IL36B: variants seen among roughly 807,000 people sequenced by gnomAD.
IL36B encodes the protein interleukin 36 beta.
In IL36B, 23 loss-of-function variants were observed where a neutral mutation model predicts 19.3. The ratio of observed to expected loss-of-function variants is 1.19; its 90% CI spans 0.86 to 1.69. The LOEUF is 1.69. Ranked by LOEUF, IL36B falls within the 40% of genes most tolerant of loss-of-function variation. IL36B has a pLI of 0.00. For missense variants in IL36B, 217 were observed against 200.5 expected (o/e 1.08, Z -0.50); for synonymous variants, 59 against 59.7 (o/e 0.99, Z 0.05).
At chr2:113,029,909 C>A (rs1043478451) in intron 3 of IL36B, among the ~76,000 whole-genome samples, 4 of 152,096 alleles carry the variant, frequency 2.6e-5, no homozygotes, top group African/African-American at 9.7e-5. Flanking sequence ...GAGGAGCCAG[C>A]AAACCTCATG....
chr2:113,052,011 T>C (rs914278047), intron 1 of IL36B, among the ~76,000 whole-genome samples: 1 of 151,666 alleles, frequency 6.6e-6, no homozygotes, highest in African/African-American at 2.4e-5. Flanking sequence ...TGCAGTGACA[T>C]GATCTCAGGT....
At chr2:113,047,965 A>G (rs1213344793) in intron 1 of IL36B, among the ~76,000 whole-genome samples, 1 of 152,190 alleles carries the variant, frequency 6.6e-6, no homozygotes, top group African/African-American at 2.4e-5. Flanking sequence ...AACAGATGGA[A>G]CACATAGAAA....
At chr2:113,031,635 C>T in intron 2 of IL36B, 62 bp downstream of exon 2, 5 of 1,388,218 alleles carry the variant, frequency 3.6e-6, no homozygotes, top group Non-Finnish European at 5.1e-6. Context: ...TCCTTCCATC[C>T]TATTGTCTTT....
intron 4 of IL36B, 128 bp downstream of exon 4, chr2:113,028,811 G>C (rs1161177762): frequency 1.1e-6 from 1 of 921,564 alleles, no homozygotes; most frequent in Non-Finnish European, 1.6e-6. Context: ...GGATCAGCCA[G>C]GTCAGAATTA....
chr2:113,049,038 G>C (rs961237412), intron 1 of IL36B, among the ~76,000 whole-genome samples: 1 of 152,180 alleles, frequency 6.6e-6, no homozygotes, highest in Non-Finnish European at 1.5e-5. Flanking sequence ...TACTGATGAT[G>C]GCAGTTGTGT....
intron 3 of IL36B, among the ~76,000 whole-genome samples, chr2:113,030,211 G>A (rs1003920292): frequency 5.3e-5 from 8 of 151,786 alleles, no homozygotes; most frequent in African/African-American, 1.9e-4. Flanking sequence ...CAGCCTGGGT[G>A]ACAGAGTGAG....
chr2:113,044,977 C>T (rs1300822359), intron 1 of IL36B, among the ~76,000 whole-genome samples: 1 of 152,064 alleles, frequency 6.6e-6, no homozygotes, highest in African/African-American at 2.4e-5. Context: ...CCTCCTAAAC[C>T]ATATCCTATT....
In IL36B at chr2:113,022,719, A is replaced by G. The variant is rs1267284735; in HGVS notation, c.450T>C (p.Asp150=). The change falls in exon 6 of 6, where the codon GAT becomes GAC. Residue 150 remains aspartate, a synonymous_variant. Transcript: ENST00000259213. ...CTATGTTGGTCCGCATGGATGAGAA[A>G]TCTTTGTCCTTCTTCCTGAGATGGT... 2 of 1,613,336 alleles carry G rather than the reference A, an allele frequency of 1.2e-6. No homozygotes were observed. The highest frequency in any genetic ancestry group is 1.3e-5 in the African/African-American group (1 of 74,894).
At chr2:113,042,495 C>A (rs1037363483) in intron 1 of IL36B, among the ~76,000 whole-genome samples, 1 of 152,202 alleles carries the variant, frequency 6.6e-6, no homozygotes, top group Non-Finnish European at 1.5e-5. Context: ...TCCCATCCCC[C>A]GTCCTATTCA....
chr2:113,029,779 G>C (rs4849143), intron 3 of IL36B, among the ~76,000 whole-genome samples: 121,141 of 152,098 alleles, frequency 0.8, 49,224 homozygotes, highest in African/African-American at 0.94. Context: ...ATTCATCAAT[G>C]CAAAAGATCA....
At chr2:113,040,334 A>G (rs1325537531) in intron 1 of IL36B, among the ~76,000 whole-genome samples, 3 of 152,222 alleles carry the variant, frequency 2.0e-5, no homozygotes, top group African/African-American at 7.2e-5. Context: ...TTTTTTCCCT[A>G]AGATTCATAA....
chr2:113,028,124 G>A lies in IL36B; in HGVS notation c.261+815C>T. ...TCCATGATATTTTTTTCCTGGGGGTGGAAAAGAGGCTTGTTAGAGAGGAGG... is the reference window on the plus strand; with the variant it reads ...TCCATGATATTTTTTTCCTGGGGGTAGAAAAGAGGCTTGTTAGAGAGGAGG... On this transcript the variant is annotated intron_variant, in intron 4 of 5. Transcript: ENST00000259213. The A allele has an allele frequency of 6.2e-7, 1 of 1,612,178 alleles. No individual in the cohort carries two copies. The highest frequency in any genetic ancestry group is 8.5e-7 in the Non-Finnish European group (1 of 1,178,490).
chr2:113,035,873 G>T (rs1056345573), intron 1 of IL36B, among the ~76,000 whole-genome samples: 1 of 152,138 alleles, frequency 6.6e-6, no homozygotes, highest in African/African-American at 2.4e-5. Context: ...GAAGGGAAGT[G>T]GTTGCCTCAG....
At chr2:113,025,330 G>A (rs555102964) in intron 5 of IL36B, among the ~76,000 whole-genome samples, 28 of 152,296 alleles carry the variant, frequency 1.8e-4, no homozygotes, top group South Asian at 6.2e-4. Context: ...TCTTGAAGTT[G>A]AGGACTGCCC....
At chr2:113,044,867 A>G (rs1016709736) in intron 1 of IL36B, among the ~76,000 whole-genome samples, 2 of 152,154 alleles carry the variant, frequency 1.3e-5, no homozygotes, top group Non-Finnish European at 1.5e-5. Flanking sequence ...ACTAGTGATT[A>G]CTAATTATTT....
Position 113,034,201 on chromosome 2 carries a change from G to C in IL36B, c.-57-2435C>G, listed in dbSNP as rs560013661. ...CTATCCCTGCCCATCTGACTTCCCT[G>C]CTCTGGATGTACTGGATTCTGCTGA... On this transcript the variant is annotated intron_variant, in intron 1 of 5. Transcript: ENST00000259213. Among the ~76,000 whole-genome samples the C allele has an allele frequency of 1.2e-4, 19 of 152,196 alleles. No individual in the cohort carries two copies. In the South Asian group the frequency reaches 3.7e-3, roughly 30 times the overall value.
intron 1 of IL36B, among the ~76,000 whole-genome samples, chr2:113,036,181 A>G (rs1685164796): frequency 6.6e-6 from 1 of 151,992 alleles, no homozygotes; most frequent in Non-Finnish European, 1.5e-5. Context: ...CCTGACCTCA[A>G]ATGATCTGCC....
At chr2:113,032,028 A>T (rs958548169) in intron 1 of IL36B, among the ~76,000 whole-genome samples, 1 of 151,972 alleles carries the variant, frequency 6.6e-6, no homozygotes, top group African/African-American at 2.4e-5. Context: ...CATTAATCAC[A>T]TCTGGGATTG....
Position 113,026,234 on chromosome 2 carries a change from T to C in IL36B, c.262-2A>G, listed in dbSNP as rs1381399805. The stretch of plus-strand genomic sequence containing the variant: ...TATGTTATCTTGGGAGCCCTGAAGC[T>C]GGAAGAGAGAAATGTTCAATGTTGC... On this transcript the variant is annotated splice_acceptor_variant, in intron 4 of 5. Transcript: ENST00000259213. LOFTEE classifies it high-confidence loss of function. 6.2e-7 allele frequency: 1 copy of C among 1,613,596 alleles called. No homozygotes were observed. Among genetic ancestry groups the C allele is most frequent in the East Asian group, 2.2e-5 (1 of 44,868 alleles).
Sources: gnomAD v4.1 joint callset for allele counts (sites outside exome capture counted in the v4.1 genomes callset) on GRCh38, gnomAD v4.1.1 for gene constraint, MANE v1.5 for transcripts, NCBI Gene and HGNC (gene_info 2026-07-23, HGNC 2026-07-21) for gene names.